Variants in GALNT10 observed in about 807,000 individuals in gnomAD.
The protein encoded by GALNT10 is GalNAc transferase 10.
GALNT10 carries 41 observed loss-of-function variants against 75.0 expected under a neutral mutation model. That is an observed-to-expected ratio of 0.55 (90% CI 0.43 to 0.71). GALNT10 has a LOEUF of 0.71. Ranked by LOEUF, GALNT10 falls within the 30% of genes least tolerant of loss-of-function variation. The pLI is 0.00. For missense variants in GALNT10, 727 were observed against 818.5 expected, an observed-to-expected ratio of 0.89 and a Z score of 1.36; for synonymous variants, 302 against 313.0, an observed-to-expected ratio of 0.96 and a Z score of 0.37.
chr5:154,270,588 T>C (rs191694189), intron 1 of GALNT10, among the ~76,000 whole-genome samples: 1 of 152,244 alleles, frequency 6.6e-6, no homozygotes, highest in African/African-American at 2.4e-5. Flanking sequence ...AACGCTTTCC[T>C]ATGCATGTTG....
At chr5:154,309,356 C>A (rs1281516190) in intron 3 of GALNT10, among the ~76,000 whole-genome samples, 2 of 152,056 alleles carry the variant, frequency 1.3e-5, no homozygotes, top group Non-Finnish European at 2.9e-5. Context: ...GAGCTTTTCC[C>A]AAAATGACTA....
At chr5:154,405,082 C>G (rs911396088) in intron 8 of GALNT10, among the ~76,000 whole-genome samples, 3 of 152,196 alleles carry the variant, frequency 2.0e-5, no homozygotes, top group Non-Finnish European at 4.4e-5. Context: ...AAAGGACCCC[C>G]GCACAGCTTT....
chr5:154,359,777 G>A (rs1256741437), intron 4 of GALNT10, among the ~76,000 whole-genome samples: 1 of 150,630 alleles, frequency 6.6e-6, no homozygotes, highest in Non-Finnish European at 1.5e-5. Flanking sequence ...ATTTTTCTAA[G>A]TATTTTATTA....
At chr5:154,266,472 C>T in intron 1 of GALNT10, among the ~76,000 whole-genome samples, 1 of 151,644 alleles carries the variant, frequency 6.6e-6, no homozygotes, top group Non-Finnish European at 1.5e-5. Context: ...TCCTATGAAC[C>T]CTTTACCTAG....
chr5:154,269,497 C>T (rs979958330), intron 1 of GALNT10, among the ~76,000 whole-genome samples: 4 of 152,202 alleles, frequency 2.6e-5, no homozygotes, highest in African/African-American at 9.6e-5. Context: ...CAGAAGGACA[C>T]TAAAAGCAGC....
At chr5:154,368,343 TC>T (rs1755510442) in intron 4 of GALNT10, among the ~76,000 whole-genome samples, 1 of 152,182 alleles carries the variant, frequency 6.6e-6, no homozygotes, top group East Asian at 1.9e-4. Context: ...TGAGGTTCAG[TC>T]GGCTCTCTGC....
intron 9 of GALNT10, among the ~76,000 whole-genome samples, chr5:154,411,037 G>A (rs1214741612): frequency 6.6e-6 from 1 of 152,172 alleles, no homozygotes; most frequent in Non-Finnish European, 1.5e-5. Flanking sequence ...TGCCACCATG[G>A]GATCCTGGGT....
At chr5:154,219,234 C>T (rs1288468693) in intron 1 of GALNT10, among the ~76,000 whole-genome samples, 2 of 152,246 alleles carry the variant, frequency 1.3e-5, no homozygotes, top group Non-Finnish European at 2.9e-5. Flanking sequence ...TGGCCAGGTC[C>T]TCCACGTGCT....
chr5:154,278,273 T>C (rs1470277642), intron 1 of GALNT10, among the ~76,000 whole-genome samples: 1 of 152,214 alleles, frequency 6.6e-6, no homozygotes, highest in African/African-American at 2.4e-5. Context: ...CCCAATCTTA[T>C]AAGCATCAAA....
intron 1 of GALNT10, among the ~76,000 whole-genome samples, chr5:154,200,183 A>T (rs1432701212): frequency 1.3e-5 from 2 of 152,124 alleles, no homozygotes; most frequent in Non-Finnish European, 2.9e-5. Flanking sequence ...GGCTCCAGAA[A>T]GCTCTTTCAG....
chr5:154,372,688 T>C (rs114478333), intron 4 of GALNT10, among the ~76,000 whole-genome samples: 1,708 of 152,120 alleles, frequency 0.011, 24 homozygotes, highest in African/African-American at 0.039. Context: ...TCATCCCACC[T>C]GAGGGGTGAG....
intron 4 of GALNT10, among the ~76,000 whole-genome samples, chr5:154,332,624 A>T (rs1660151154): frequency 6.6e-6 from 1 of 152,168 alleles, no homozygotes; most frequent in Admixed American, 6.5e-5. Context: ...GGTGATTAGT[A>T]AATGTTTGTG....
chr5:154,331,272 C>T (rs1355924760), intron 4 of GALNT10, among the ~76,000 whole-genome samples: 1 of 152,160 alleles, frequency 6.6e-6, no homozygotes, highest in Non-Finnish European at 1.5e-5. Flanking sequence ...GAAGTACTAA[C>T]AGTAAGCCTT....
Position 154,416,326 on chromosome 5 carries a change from G to A in GALNT10, c.1653+394G>A, listed in dbSNP as rs1046184611. 6.6e-6 allele frequency among the ~76,000 whole-genome samples: 1 copy of A among 152,092 alleles called. No homozygotes were observed. The highest frequency in any genetic ancestry group is 2.4e-5 in the African/African-American group (1 of 41,396). ...CTCATGCCTGTACTCCCAGCTACTC[G>A]GGAGGCCGAGGCAGGAGAAGCACTT... On this transcript the variant is annotated intron_variant, in intron 11 of 11. Transcript: ENST00000297107. This position sits in a 1 kb window ranked among gnomAD's most constrained non-coding sequence, Gnocchi z 4.5.
intron 1 of GALNT10, among the ~76,000 whole-genome samples, chr5:154,239,406 C>T (rs1032346008): frequency 1.1e-4 from 17 of 152,296 alleles, no homozygotes; most frequent in East Asian, 1.9e-4. Flanking sequence ...AGCGGTGGGG[C>T]GAGCAAGTGA....
chr5:154,379,453 C>T (rs1377708573), intron 5 of GALNT10, among the ~76,000 whole-genome samples: 1 of 152,256 alleles, frequency 6.6e-6, no homozygotes, highest in African/African-American at 2.4e-5. Context: ...CAGGCAGCTG[C>T]TGGCTGCCCT....
At chr5:154,333,118 G>C (rs1291922366) in intron 4 of GALNT10, among the ~76,000 whole-genome samples, 1 of 152,156 alleles carries the variant, frequency 6.6e-6, no homozygotes, top group Non-Finnish European at 1.5e-5. Context: ...TGCCTCTCCT[G>C]GTGTGGTCTG....
chr5:154,221,516 G>A (rs1253333283), intron 1 of GALNT10, among the ~76,000 whole-genome samples: 2 of 152,194 alleles, frequency 1.3e-5, no homozygotes, highest in African/African-American at 4.8e-5. Flanking sequence ...CCAAGGATCT[G>A]TGTCTTTAGG....
intron 1 of GALNT10, among the ~76,000 whole-genome samples, chr5:154,238,509 C>T (rs1428474547): frequency 1.1e-4 from 16 of 152,168 alleles, no homozygotes; most frequent in African/African-American, 1.7e-4. Flanking sequence ...TTTCTCCCCA[C>T]GTGCATCTTC....
Sources: allele counts gnomAD v4.1 joint callset (sites outside exome capture counted in the v4.1 genomes callset), GRCh38; gene constraint gnomAD v4.1.1; non-coding constraint Gnocchi (gnomAD v3.1); transcripts MANE v1.5; gene names NCBI Gene and HGNC (gene_info 2026-07-23, HGNC 2026-07-21).